Variants in GTF2H4 observed in about 807,000 individuals in gnomAD.
GTF2H4 encodes general transcription factor IIH subunit 4.
A neutral mutation model predicts 62.2 loss-of-function variants in GTF2H4; 49 were observed. That is an observed-to-expected ratio of 0.79 (90% confidence interval 0.63 to 1.00). The LOEUF is 1.00. Among genes scored for constraint, GTF2H4 ranks in the 50% least tolerant of loss-of-function variants. The pLI is 0.00. For missense variants in GTF2H4, 479 were observed against 587.8 expected (o/e 0.81, Z 1.91); for synonymous variants, 189 against 233.8 (o/e 0.81, Z 1.75).
rs917502144 is a variant in GTF2H4 at position 30,910,514 on chromosome 6, A to G, written c.375-151A>G. Reference sequence around the variant, plus strand: ...CAGGCTAATTTTTTGTATTTTTAGTAGAGATGGGGTTTCGCCATGTTGGCC... The same window carrying G: ...CAGGCTAATTTTTTGTATTTTTAGTGGAGATGGGGTTTCGCCATGTTGGCC... On this transcript the variant is annotated intron_variant, in intron 4 of 13. Transcript: ENST00000259895. This position sits in a 1 kb window ranked among gnomAD's most constrained non-coding sequence, Gnocchi z 4.7. 1.5e-5 allele frequency: 10 copies of G among 688,246 alleles called. No homozygotes were observed. The African/African-American group carries it at 1.8e-4, about 12-fold the overall frequency. 42.6% of individuals were successfully genotyped at this position (688,246 alleles called of 1,614,324 possible). A position where few individuals can be genotyped will look rare whatever the true frequency, so the allele number is the denominator to read the frequency against.
Position 30,912,145 on chromosome 6 carries a change from G to T in GTF2H4, c.957G>T (p.Thr319=). The change falls in exon 10 of 14, where the codon ACG becomes ACT. Residue 319 remains threonine (T), a splice_region_variant and synonymous_variant. Coordinates refer to ENST00000259895, the MANE Select transcript of GTF2H4 (RefSeq NM_001517.5). This position sits in a 1 kb window ranked among gnomAD's most constrained non-coding sequence, Gnocchi z 4.8. ...VETNYRLYAY[T]ESELQIALIA... ...CCAATTACCGACTGTATGCCTACAC[G>T]GGTGAGGCGGGACAGAGGGCCCCTG... 2 of 1,612,914 alleles carry T rather than the reference G, an allele frequency of 1.2e-6. No individual in the cohort carries two copies. The highest frequency in any genetic ancestry group is 1.7e-6 in the Non-Finnish European group (2 of 1,179,992).
At position 30,909,333 on chromosome 6, in the gene GTF2H4, G is replaced by A. The variant is rs1027850196; in HGVS notation, c.138-102G>A. On this transcript the variant is annotated intron_variant, in intron 2 of 13. Transcript: ENST00000259895. This position sits in a 1 kb window ranked among gnomAD's most constrained non-coding sequence, Gnocchi z 4.3. ...AGGCCAAAACAGCAGGACTGGTAAAGTTGTGCTGGAGTGAGATGAGATGTT... is the reference window on the plus strand; with the variant it reads ...AGGCCAAAACAGCAGGACTGGTAAAATTGTGCTGGAGTGAGATGAGATGTT... The A allele has an allele frequency of 6.5e-5, 80 of 1,229,816 alleles. 1 individual carries two copies. In the South Asian group the frequency reaches 1.0e-3, roughly 15 times the overall value. The allele number at this position is 1,229,816 out of a possible 1,614,324, so 76.2% of individuals were successfully genotyped here.
At chr6:30,908,920 C>A in intron 1 of GTF2H4, 114 bp from the exon 2 acceptor site, 1 of 1,191,536 alleles carries the variant, frequency 8.4e-7, no homozygotes, top group Non-Finnish European at 1.2e-6. Flanking sequence ...GAAAGGAGAC[C>A]ACAGAAAAGG....
Position 30,908,286 on chromosome 6 carries a change from T to C in GTF2H4, c.-121T>C, listed in dbSNP as rs1280280552. 1 of 153,378 alleles carries C rather than the reference T, an allele frequency of 6.5e-6. No individual in the cohort carries two copies. The highest frequency in any genetic ancestry group is 1.5e-5 in the Non-Finnish European group (1 of 68,690). 9.5% of individuals were successfully genotyped at this position (153,378 alleles called of 1,614,324 possible). On this transcript the variant is annotated 5_prime_UTR_variant, in exon 1 of 14. Transcript: ENST00000259895. Reference sequence around the variant, plus strand: ...GTGAAATCTTTCTTTGCTTTCCCCATCTTTTCCTCGCATTTTTTCACCATC... The same window carrying C: ...GTGAAATCTTTCTTTGCTTTCCCCACCTTTTCCTCGCATTTTTTCACCATC...
Position 30,912,932 on chromosome 6 carries a change from T to G in GTF2H4, c.1090-178T>G, listed in dbSNP as rs1793851840. 6.6e-6 allele frequency among the ~76,000 whole-genome samples: 1 copy of G among 152,134 alleles called. No homozygotes were observed. Among genetic ancestry groups the G allele is most frequent in the Non-Finnish European group, 1.5e-5 (1 of 68,010 alleles). ...GGGCGAATGTGCCAGAAAAGGAATA[T>G]CCCACGTTGCTGGGAGCAGCAACGT... On this transcript the variant is annotated intron_variant, in intron 11 of 13. Transcript: ENST00000259895. This position sits in a 1 kb window ranked among gnomAD's most constrained non-coding sequence, Gnocchi z 4.8.
chr6:30,910,769 C>T lies in GTF2H4; in HGVS notation c.471+8C>T. On this transcript the variant is annotated splice_region_variant and intron_variant, in intron 5 of 13. Coordinates refer to ENST00000259895, the MANE Select transcript of GTF2H4 (RefSeq NM_001517.5). The surrounding 1 kb of genome is among the most constrained non-coding windows in gnomAD (Gnocchi z 4.7). ...GCCGAGGAGCGATGGGAGGTAAGCA[C>T]TTGGGAGTGTGTGTGTCTCTGCTTG... The T allele has an allele frequency of 6.2e-6, 10 of 1,610,552 alleles. No individual in the cohort carries two copies. The highest frequency in any genetic ancestry group is 8.5e-6 in the Non-Finnish European group (10 of 1,177,898).
In GTF2H4 at chr6:30,912,186, G is replaced by A. The variant is rs1035378542; in HGVS notation, c.958+40G>A. ...AGGGCCCCTGGAAGAGGAGGTTGGGGGTGAGGGAATGCCAGTTTATGTTCG... is the reference window on the plus strand; with the variant it reads ...AGGGCCCCTGGAAGAGGAGGTTGGGAGTGAGGGAATGCCAGTTTATGTTCG... On this transcript the variant is annotated intron_variant, in intron 10 of 13. Coordinates refer to ENST00000259895, the MANE Select transcript of GTF2H4 (RefSeq NM_001517.5). This position sits in a 1 kb window ranked among gnomAD's most constrained non-coding sequence, Gnocchi z 4.8. 1.1e-5 allele frequency: 17 copies of A among 1,610,758 alleles called. No individual in the cohort carries two copies. In the African/African-American group the frequency reaches 1.7e-4, roughly 16 times the overall value.
chr6:30,910,529 C>G lies in GTF2H4; in HGVS notation c.375-136C>G. On this transcript the variant is annotated intron_variant, in intron 4 of 13. Transcript: ENST00000259895. The surrounding 1 kb of genome is among the most constrained non-coding windows in gnomAD (Gnocchi z 4.7). ...TATTTTTAGTAGAGATGGGGTTTCG[C>G]CATGTTGGCCAGGCTGGTCTTGAAC... 1 of 715,880 alleles carries G rather than the reference C, an allele frequency of 1.4e-6. No individual in the cohort carries two copies. Among genetic ancestry groups the G allele is most frequent in the African/African-American group, 1.7e-5 (1 of 57,226 alleles). 44.3% of individuals were successfully genotyped at this position (715,880 alleles called of 1,614,324 possible). A position where few individuals can be genotyped will look rare whatever the true frequency, so the allele number is the denominator to read the frequency against.
chr6:30,911,510 G>A lies in GTF2H4; in HGVS notation c.741+11G>A. ...TCTACTCTGGGCAAGGTAAGCAGGGGGCTGAAAGGTATAGAGATGGGAAGG... is the reference window on the plus strand; with the variant it reads ...TCTACTCTGGGCAAGGTAAGCAGGGAGCTGAAAGGTATAGAGATGGGAAGG... On this transcript the variant is annotated intron_variant, in intron 8 of 13. Coordinates refer to ENST00000259895, the MANE Select transcript of GTF2H4 (RefSeq NM_001517.5). The surrounding 1 kb of genome is among the most constrained non-coding windows in gnomAD (Gnocchi z 4.3). 6.2e-7 allele frequency: 1 copy of A among 1,611,512 alleles called. No homozygotes were observed.
In GTF2H4 at chr6:30,913,084, C is replaced by A. The variant is rs371224124; in HGVS notation, c.1090-26C>A. ...TTTCCTGCCTTCTTGCTGGAGCCCT[C>A]ATGCCATTCTTGTCTGTTTTCCTAG... On this transcript the variant is annotated intron_variant, in intron 11 of 13. Transcript: ENST00000259895. This position sits in a 1 kb window ranked among gnomAD's most constrained non-coding sequence, Gnocchi z 4.2. The A allele has an allele frequency of 6.8e-6, 11 of 1,613,296 alleles. No homozygotes were observed. In the African/African-American group the frequency reaches 8.0e-5, roughly 12 times the overall value.
At position 30,912,240 on chromosome 6, in the gene GTF2H4, T is replaced by C; in HGVS notation, c.959-88T>C. On this transcript the variant is annotated intron_variant, in intron 10 of 13. Coordinates refer to ENST00000259895, the MANE Select transcript of GTF2H4 (RefSeq NM_001517.5). This position sits in a 1 kb window ranked among gnomAD's most constrained non-coding sequence, Gnocchi z 4.8. ...TTACCTGGCAGTCTACAGAGCTCTC[T>C]GACATTTCTCATGACACTTGAAAGA... is the stretch of plus-strand genomic sequence containing the variant. 1 of 1,601,076 alleles carries C rather than the reference T, an allele frequency of 6.2e-7. No homozygotes were observed. The highest frequency in any genetic ancestry group is 8.5e-7 in the Non-Finnish European group (1 of 1,172,412).
Position 30,914,025 on chromosome 6 carries a change from G to GGGGGGGGGA in GTF2H4, c.*42_*43insGGGGGGGGA. The GGGGGGGGGA allele has an allele frequency of 6.7e-7, 1 of 1,486,188 alleles. No individual in the cohort carries two copies. Among genetic ancestry groups the GGGGGGGGGA allele is most frequent in the Non-Finnish European group, 9.1e-7 (1 of 1,095,206 alleles). The allele number at this position is 1,486,188 out of a possible 1,614,324, so 92.1% of individuals were successfully genotyped here. A position where few individuals can be genotyped will look rare whatever the true frequency, so the allele number is the denominator to read the frequency against. Reference sequence around the variant, plus strand: ...CACGGACCTCGGCGGGCGGGACTGGGCGGGGCGGGGCATCAGAACTCAGGT... The same window carrying GGGGGGGGGA: ...CACGGACCTCGGCGGGCGGGACTGGGGGGGGGGGACGGGGCGGGGCATCAGAACTCAGGT... On this transcript the variant is annotated 3_prime_UTR_variant, in exon 14 of 14. Coordinates refer to ENST00000259895, the MANE Select transcript of GTF2H4 (RefSeq NM_001517.5).
rs1793742674 is a variant in GTF2H4, at chr6:30,911,074, T to C, written c.561-84T>C. 4 of 1,340,630 alleles carry C rather than the reference T, an allele frequency of 3.0e-6. No individual in the cohort carries two copies. The highest frequency in any genetic ancestry group is 4.3e-6 in the Non-Finnish European group (4 of 937,268). The allele number at this position is 1,340,630 out of a possible 1,614,324, so 83.0% of individuals were successfully genotyped here. On this transcript the variant is annotated intron_variant, in intron 6 of 13. Coordinates refer to ENST00000259895, the MANE Select transcript of GTF2H4 (RefSeq NM_001517.5). This position sits in a 1 kb window ranked among gnomAD's most constrained non-coding sequence, Gnocchi z 4.3. ...AAGCTGAGTAGAATATAGCCAGAGA[T>C]ACCAAGAAAAAACGTGAGTGGACAA... is the stretch of plus-strand genomic sequence containing the variant.
chr6:30,912,332 G>A lies in GTF2H4; in HGVS notation c.963G>A (p.Ser321=), dbSNP rs191986437. ...TNYRLYAYTE[S]ELQIALIALF... ...CTCTTTCTATCCCTGGCTCAGAGTCGGAGCTGCAGATTGCCCTCATTGCCC... is the reference window on the plus strand; with the variant it reads ...CTCTTTCTATCCCTGGCTCAGAGTCAGAGCTGCAGATTGCCCTCATTGCCC... Residue 321 remains serine (S), a synonymous_variant, in exon 11 of 14, where the codon TCG becomes TCA. Coordinates refer to ENST00000259895, the MANE Select transcript of GTF2H4 (RefSeq NM_001517.5). The surrounding 1 kb of genome is among the most constrained non-coding windows in gnomAD (Gnocchi z 4.8). 10 of 1,612,974 alleles carry A rather than the reference G, an allele frequency of 6.2e-6. No homozygotes were observed. The highest frequency in any genetic ancestry group is 1.7e-4 in the Middle Eastern group (1 of 6,060).
chr6:30,910,593 A>G lies in GTF2H4; in HGVS notation c.375-72A>G. 1 of 1,112,256 alleles carries G rather than the reference A, an allele frequency of 9.0e-7. No homozygotes were observed. The highest frequency in any genetic ancestry group is 1.4e-6 in the Non-Finnish European group (1 of 728,910). 68.9% of individuals were successfully genotyped at this position (1,112,256 alleles called of 1,614,324 possible). A position where few individuals can be genotyped will look rare whatever the true frequency, so the allele number is the denominator to read the frequency against. On this transcript the variant is annotated intron_variant, in intron 4 of 13. Transcript: ENST00000259895. This position sits in a 1 kb window ranked among gnomAD's most constrained non-coding sequence, Gnocchi z 4.7. ...TGATCCGCCCATCTCGGCCTCCCAA[A>G]GTACAGGGATTACAGGTGTGAGCCA...
In GTF2H4 at chr6:30,912,211, G is replaced by A. The variant is rs1012500879; in HGVS notation, c.958+65G>A. ...GGTGAGGGAATGCCAGTTTATGTTC[G>A]TGTTTACCTGGCAGTCTACAGAGCT... On this transcript the variant is annotated intron_variant, in intron 10 of 13. Transcript: ENST00000259895. The surrounding 1 kb of genome is among the most constrained non-coding windows in gnomAD (Gnocchi z 4.8). 8.7e-6 allele frequency: 14 copies of A among 1,603,116 alleles called. No individual in the cohort carries two copies. In the South Asian group the frequency reaches 8.9e-5, roughly 10 times the overall value.
intron 1 of GTF2H4, among the ~76,000 whole-genome samples, 172 bp downstream of exon 1, chr6:30,908,575 A>G: frequency 6.6e-6 from 1 of 152,046 alleles, no homozygotes; most frequent in Non-Finnish European, 1.5e-5. Flanking sequence ...TAGATTTGGG[A>G]AGCATGGAGG....
Position 30,912,748 on chromosome 6 carries a change from C to A in GTF2H4, c.1089+290C>A, listed in dbSNP as rs931468864. 5.3e-5 allele frequency among the ~76,000 whole-genome samples: 8 copies of A among 152,038 alleles called. No homozygotes were observed. Among genetic ancestry groups the A allele is most frequent in the African/African-American group, 1.9e-4 (8 of 41,368 alleles). ...CCTCTGTGAGCCTCAGTTTCCTCAT[C>A]TAGTAAATGACAGTTCTTACCTCAG... On this transcript the variant is annotated intron_variant, in intron 11 of 13. Transcript: ENST00000259895. The surrounding 1 kb of genome is among the most constrained non-coding windows in gnomAD (Gnocchi z 4.8).
rs1054903715 is a variant in GTF2H4, at chr6:30,911,064, T to G, written c.561-94T>G. 2 of 1,309,494 alleles carry G rather than the reference T, an allele frequency of 1.5e-6. No homozygotes were observed. The highest frequency in any genetic ancestry group is 2.9e-5 in the African/African-American group (2 of 69,180). 81.1% of individuals were successfully genotyped at this position (1,309,494 alleles called of 1,614,324 possible). A position where few individuals can be genotyped will look rare whatever the true frequency, so the allele number is the denominator to read the frequency against. Reference sequence around the variant, plus strand: ...TGGAAAAGGCAAGCTGAGTAGAATATAGCCAGAGATACCAAGAAAAAACGT... The same window carrying G: ...TGGAAAAGGCAAGCTGAGTAGAATAGAGCCAGAGATACCAAGAAAAAACGT... On this transcript the variant is annotated intron_variant, in intron 6 of 13. Transcript: ENST00000259895. The surrounding 1 kb of genome is among the most constrained non-coding windows in gnomAD (Gnocchi z 4.3).
Sources: gnomAD v4.1 joint callset for allele counts (sites outside exome capture counted in the v4.1 genomes callset) on GRCh38, gnomAD v4.1.1 for gene constraint, Gnocchi (gnomAD v3.1) non-coding constraint, MANE v1.5 for transcripts, NCBI Gene and HGNC (gene_info 2026-07-23, HGNC 2026-07-21) for gene names.